PPFIBP2: variants seen among roughly 807,000 people sequenced by gnomAD.
The protein encoded by PPFIBP2 is PPFIB scaffold protein 2.
Under a neutral mutation model 118.3 loss-of-function variants are expected in PPFIBP2, and 118 were observed. That is an observed-to-expected ratio of 1.00 (90% confidence interval 0.86 to 1.16). PPFIBP2 has a LOEUF of 1.16. Among genes scored for constraint, PPFIBP2 ranks in the 50% most tolerant of loss-of-function variants. The probability of loss-of-function intolerance (pLI) is 0.00; values close to 1 mark genes in which losing one functional copy is unlikely to be tolerated. For synonymous variants in PPFIBP2, 414 were observed against 397.4 expected (o/e 1.04, Z -0.50); for missense variants, 1,195 against 1,073.1 (o/e 1.11, Z -1.59).
At chr11:7,562,957 ATATATATATATATATATATACACG>A (rs1256979840) in intron 2 of PPFIBP2, among the ~76,000 whole-genome samples, 9 of 64,838 alleles carry the variant, frequency 1.4e-4, no homozygotes, top group South Asian at 4.6e-4. Context: ...ATATATATAT[ATATATATATATATATATATACACG>A]CACACACACA....
In PPFIBP2 at chr11:7,653,579, C is replaced by T; in HGVS notation, c.*361C>T. 1 of 1,305,634 alleles carries T rather than the reference C, an allele frequency of 7.7e-7. No homozygotes were observed. The highest frequency in any genetic ancestry group is 5.2e-5 in the East Asian group (1 of 19,076). 80.9% of individuals were successfully genotyped at this position (1,305,634 alleles called of 1,614,324 possible). On this transcript the variant is annotated 3_prime_UTR_variant, in exon 24 of 24. Coordinates refer to ENST00000299492, the MANE Select transcript of PPFIBP2 (RefSeq NM_003621.5). ...CCACGAGGCTCAGCTCTCAGGCACCCCCTACACTTCAGTTGAGGGAAAAGC... is the reference window on the plus strand; with the variant it reads ...CCACGAGGCTCAGCTCTCAGGCACCTCCTACACTTCAGTTGAGGGAAAAGC...
intron 17 of PPFIBP2, among the ~76,000 whole-genome samples, chr11:7,646,961 C>A (rs11604026): frequency 0.12 from 18,165 of 151,696 alleles, 1,141 homozygotes; most frequent in Middle Eastern, 0.19. Flanking sequence ...AAATTTTATA[C>A]TATTTTGAAG....
intron 2 of PPFIBP2, among the ~76,000 whole-genome samples, chr11:7,557,272 T>A (rs1853741086): frequency 6.6e-6 from 1 of 152,080 alleles, no homozygotes; most frequent in Admixed American, 6.5e-5. Flanking sequence ...ATTTTCCTAT[T>A]TTTTAAAATC....
chr11:7,535,285 T>A (rs1851095656), intron 1 of PPFIBP2, among the ~76,000 whole-genome samples: 1 of 152,120 alleles, frequency 6.6e-6, no homozygotes, highest in Non-Finnish European at 1.5e-5. Context: ...GAAAAATTAG[T>A]TTTGATGGAC....
At chr11:7,662,461 T>C in the PPFIBP2 span, among the ~76,000 whole-genome samples, 2 of 151,964 alleles carry the variant, frequency 1.3e-5, no homozygotes, top group African/African-American at 4.8e-5. Flanking sequence ...TCTTTAAGAA[T>C]GTTGAATATT....
At chr11:7,519,661 G>A (rs1259080535) in intron 1 of PPFIBP2, among the ~76,000 whole-genome samples, 2 of 152,134 alleles carry the variant, frequency 1.3e-5, no homozygotes, top group Non-Finnish European at 2.9e-5. Flanking sequence ...GTAGGCACAG[G>A]AGAACAGGGA....
intron 6 of PPFIBP2, among the ~76,000 whole-genome samples, chr11:7,617,956 G>A (rs1025545894): frequency 6.6e-6 from 1 of 152,174 alleles, no homozygotes; most frequent in Non-Finnish European, 1.5e-5. Context: ...CTGATGGCAG[G>A]TGATGGCAGC....
chr11:7,586,430 T>C (rs989688332), intron 3 of PPFIBP2, among the ~76,000 whole-genome samples: 1 of 152,238 alleles, frequency 6.6e-6, no homozygotes, highest in East Asian at 1.9e-4. Context: ...AATTTAAAAA[T>C]CATTTCCATA....
At position 7,549,527 on chromosome 11, in the gene PPFIBP2, G is replaced by A; in HGVS notation, c.52G>A (p.Gly18Arg). ...GGAAGCTGCCCTGGAGCAAATGGACGGGATCATTGCAGGTACGCCCAGGGA... is the reference window on the plus strand; with the variant it reads ...GGAAGCTGCCCTGGAGCAAATGGACAGGATCATTGCAGGTACGCCCAGGGA... ...ALEAALEQMD[G>R]IIAGTKTGAD... Residue 18 changes from glycine to arginine, a missense_variant, in exon 2 of 24, where the codon GGG (glycine) becomes AGG (arginine). Coordinates refer to ENST00000299492, the MANE Select transcript of PPFIBP2 (RefSeq NM_003621.5). 2 of 1,563,640 alleles carry A rather than the reference G, an allele frequency of 1.3e-6. No homozygotes were observed. The highest frequency in any genetic ancestry group is 1.7e-6 in the Non-Finnish European group (2 of 1,153,856).
chr11:7,514,031 C>T lies in PPFIBP2; in HGVS notation c.-127C>T, dbSNP rs1334886749. ...CGGTGGGCCAGTGGCCCGTCGCTCG[C>T]TTCTGGGCTCTCATGTTTGAAGGTG... On this transcript the variant is annotated 5_prime_UTR_variant, in exon 1 of 24. Transcript: ENST00000299492. 6.6e-6 allele frequency: 1 copy of T among 152,334 alleles called. No homozygotes were observed. Among genetic ancestry groups the T allele is most frequent in the Admixed American group, 6.5e-5 (1 of 15,286 alleles). The allele number at this position is 152,334 out of a possible 1,614,324, so 9.4% of individuals were successfully genotyped here.
intron 1 of PPFIBP2, among the ~76,000 whole-genome samples, chr11:7,516,581 C>T (rs770487458): frequency 9.9e-5 from 15 of 152,032 alleles, no homozygotes; most frequent in Admixed American, 2.0e-4. Flanking sequence ...GCTGTTTTAA[C>T]GAGCGCCTGG....
At chr11:7,640,298 T>C (rs1364916805) in intron 15 of PPFIBP2, among the ~76,000 whole-genome samples, 1 of 152,148 alleles carries the variant, frequency 6.6e-6, no homozygotes, top group Non-Finnish European at 1.5e-5. Context: ...TCTCTGCAGC[T>C]TCCCTATTCC....
intron 14 of PPFIBP2, among the ~76,000 whole-genome samples, chr11:7,637,448 T>G (rs982858782): frequency 6.6e-6 from 1 of 152,198 alleles, no homozygotes; most frequent in Non-Finnish European, 1.5e-5. Flanking sequence ...GAGGTAGGAA[T>G]TGTTATTCTC....
intron 3 of PPFIBP2, among the ~76,000 whole-genome samples, chr11:7,569,250 G>A (rs1043162240): frequency 1.3e-5 from 2 of 152,228 alleles, no homozygotes; most frequent in Non-Finnish European, 2.9e-5. Context: ...CTAAAGCACA[G>A]CTGGGCCAGC....
chr11:7,554,782 A>G (rs925413094), intron 2 of PPFIBP2, among the ~76,000 whole-genome samples: 5 of 134,248 alleles, frequency 3.7e-5, no homozygotes, highest in African/African-American at 1.7e-4. Flanking sequence ...GCTGAATCCC[A>G]GGTGACTAGA....
chr11:7,657,908 G>A (rs1331085144), downstream of PPFIBP2, among the ~76,000 whole-genome samples: 3 of 152,214 alleles, frequency 2.0e-5, no homozygotes, highest in Non-Finnish European at 2.9e-5. Context: ...ACTGGCTCCT[G>A]TAGACAGTCC....
At chr11:7,547,666 T>C (rs1409105908) in intron 1 of PPFIBP2, among the ~76,000 whole-genome samples, 1 of 151,968 alleles carries the variant, frequency 6.6e-6, no homozygotes, top group Non-Finnish European at 1.5e-5. Context: ...TCGGAGCAGC[T>C]CTGTTCCTTG....
chr11:7,549,506 G>A lies in PPFIBP2; in HGVS notation c.31G>A (p.Ala11Thr), dbSNP rs201633348. Reference protein sequence around the residue: MASDASHALEAALEQMDGIIA... With the variant: MASDASHALETALEQMDGIIA... ...TTCTGATGCTAGTCATGCGCTGGAA[G>A]CTGCCCTGGAGCAAATGGACGGGAT... The change falls in exon 2 of 24, where the codon GCT becomes ACT. Residue 11 changes from alanine to threonine, a missense_variant. By Grantham distance (58) the Ala-to-Thr change is moderately conservative (BLOSUM62 0). Transcript: ENST00000299492. 1.1e-5 allele frequency: 17 copies of A among 1,563,850 alleles called. No individual in the cohort carries two copies. The African/African-American group carries it at 1.1e-4, about 10-fold the overall frequency.
chr11:7,577,529 T>C (rs1856607577), intron 3 of PPFIBP2: 9 of 456,222 alleles, frequency 2.0e-5, no homozygotes, highest in Non-Finnish European at 3.5e-5. Context: ...AGAGAACTGG[T>C]CTCCAGCCAG....
Sources: gnomAD v4.1 joint callset for allele counts (sites outside exome capture counted in the v4.1 genomes callset) on GRCh38, gnomAD v4.1.1 for gene constraint, MANE v1.5 for transcripts, NCBI Gene and HGNC (gene_info 2026-07-23, HGNC 2026-07-21) for gene names.